NTM: variants seen among roughly 807,000 people sequenced by gnomAD.
The protein encoded by NTM is IgLON family member 2.
In NTM, 13 loss-of-function variants were observed where a neutral mutation model predicts 42.1. The ratio of observed to expected loss-of-function variants is 0.31; its 90% CI spans 0.20 to 0.49. NTM has a LOEUF of 0.49. Among genes scored for constraint, NTM ranks in the 20% least tolerant of loss-of-function variants. The probability of loss-of-function intolerance (pLI) is 0.99; values close to 1 mark genes in which losing one functional copy is unlikely to be tolerated. For synonymous variants in NTM, 187 were observed against 179.2 expected (o/e 1.04, Z -0.35); for missense variants, 373 against 452.8 (o/e 0.82, Z 1.60).
At chr11:132,248,692 G>T (rs751946378) in intron 4 of NTM, among the ~76,000 whole-genome samples, 1 of 152,180 alleles carries the variant, frequency 6.6e-6, no homozygotes, top group Non-Finnish European at 1.5e-5. Context: ...GGTCCACCAC[G>T]CATCAGGTCT....
chr11:131,421,349 G>A (rs373821903), intron 1 of NTM, among the ~76,000 whole-genome samples: 2 of 152,154 alleles, frequency 1.3e-5, no homozygotes, highest in African/African-American at 2.4e-5. Flanking sequence ...TTCCAATCCC[G>A]CCTGCACATG....
intron 4 of NTM, among the ~76,000 whole-genome samples, chr11:132,242,051 A>C (rs1036333001): frequency 1.3e-5 from 2 of 152,142 alleles, no homozygotes; most frequent in African/African-American, 4.8e-5. Flanking sequence ...GGCACAATAG[A>C]TTGTGGTTGT....
At chr11:131,699,126 A>G (rs1164195503) in intron 1 of NTM, among the ~76,000 whole-genome samples, 1 of 152,210 alleles carries the variant, frequency 6.6e-6, no homozygotes, top group Non-Finnish European at 1.5e-5. Context: ...CGTTAACTAA[A>G]GAAGTAATTA....
chr11:132,131,193 G>A (rs77357660), intron 2 of NTM, among the ~76,000 whole-genome samples: 7,325 of 152,232 alleles, frequency 0.048, 276 homozygotes, highest in African/African-American at 0.098. Context: ...ATAGATGCAC[G>A]CGTGTTATGC....
At chr11:131,455,622 C>T (rs780570567) in intron 1 of NTM, among the ~76,000 whole-genome samples, 1 of 152,092 alleles carries the variant, frequency 6.6e-6, no homozygotes, top group South Asian at 2.1e-4. Context: ...TTGCTAAAGT[C>T]CAGGCTCAAA....
chr11:131,968,385 T>C (rs1479933505), intron 2 of NTM, among the ~76,000 whole-genome samples: 1 of 152,118 alleles, frequency 6.6e-6, no homozygotes, highest in African/African-American at 2.4e-5. Context: ...TAATTTGCCA[T>C]TGAACAGTTC....
At chr11:131,518,898 A>G (rs2136535621) in intron 1 of NTM, among the ~76,000 whole-genome samples, 1 of 152,310 alleles carries the variant, frequency 6.6e-6, no homozygotes, top group East Asian at 1.9e-4. Flanking sequence ...ACAACAACAC[A>G]TTTTCCAAAG....
intron 2 of NTM, among the ~76,000 whole-genome samples, chr11:131,961,686 C>T (rs920544012): frequency 9.2e-5 from 14 of 152,130 alleles, no homozygotes; most frequent in African/African-American, 2.4e-4. Flanking sequence ...CTGTATCCTG[C>T]AAGAGTGGCC....
At position 131,887,459 on chromosome 11, in the gene NTM, CT is replaced by C. The variant is rs537928825; in HGVS notation, c.83-24101del. Among the ~76,000 whole-genome samples the C allele has an allele frequency of 6.6e-5, 10 of 152,324 alleles. No homozygotes were observed. The East Asian group carries it at 1.7e-3, about 26-fold the overall frequency. On this transcript the variant is annotated intron_variant, in intron 1 of 8. Coordinates refer to ENST00000683400, the MANE Select transcript of NTM (RefSeq NM_001352005.2). The stretch of plus-strand genomic sequence containing the variant: ...CCTGCCATTCTTCAGGCACAAGTCA[CT>C]TTTCACTGTGTCTTACCAAACAGGC...
At chr11:131,658,567 C>T (rs140133974) in intron 1 of NTM, among the ~76,000 whole-genome samples, 83 of 152,336 alleles carry the variant, frequency 5.4e-4, no homozygotes, top group African/African-American at 1.9e-3. Flanking sequence ...ATGCCTTGCT[C>T]TGATTCAGCG....
intron 1 of NTM, among the ~76,000 whole-genome samples, chr11:131,441,303 GGAAT>G (rs1258169553): frequency 6.6e-6 from 1 of 152,148 alleles, no homozygotes; most frequent in Non-Finnish European, 1.5e-5. Context: ...TGCTGAGGGA[GGAAT>G]GCTTCCCAGA....
At chr11:131,735,723 C>T (rs949366599) in intron 1 of NTM, among the ~76,000 whole-genome samples, 3 of 152,148 alleles carry the variant, frequency 2.0e-5, no homozygotes, top group African/African-American at 7.2e-5. Flanking sequence ...CTCAGTCGCT[C>T]TTTCCATGGT....
chr11:131,789,603 A>AGAG, intron 1 of NTM, among the ~76,000 whole-genome samples: 1 of 85,902 alleles, frequency 1.2e-5, no homozygotes, highest in Non-Finnish European at 2.3e-5. Flanking sequence ...AAGAAGAAGA[A>AGAG]GAAGAAGAAG....
chr11:131,381,515 T>C (rs1011213882), intron 1 of NTM, among the ~76,000 whole-genome samples: 9 of 152,174 alleles, frequency 5.9e-5, no homozygotes, highest in African/African-American at 1.9e-4. Context: ...AACTTCCTAA[T>C]AAAAGGATCT....
chr11:131,527,344 A>C (rs1229835434), intron 1 of NTM, among the ~76,000 whole-genome samples: 1 of 151,930 alleles, frequency 6.6e-6, no homozygotes, highest in African/African-American at 2.4e-5. Flanking sequence ...CCCTTACTTC[A>C]TCTCTAGTTC....
chr11:131,996,824 G>T (rs1236338556), intron 2 of NTM, among the ~76,000 whole-genome samples: 41 of 152,038 alleles, frequency 2.7e-4, no homozygotes, highest in Non-Finnish European at 1.5e-4. Context: ...TTTATGCTCT[G>T]CCAGGACTCT....
chr11:131,680,477 GTGCA>G (rs2072330951), intron 1 of NTM, among the ~76,000 whole-genome samples: 3 of 146,160 alleles, frequency 2.1e-5, no homozygotes, highest in African/African-American at 2.5e-5. Context: ...GCCTGTGTGT[GTGCA>G]CGTCTGTGTA....
intron 1 of NTM, among the ~76,000 whole-genome samples, chr11:131,708,250 A>G (rs1227822965): frequency 6.6e-6 from 1 of 152,160 alleles, no homozygotes. Flanking sequence ...CTTCAATAGT[A>G]AAATAAACTG....
intron 1 of NTM, among the ~76,000 whole-genome samples, chr11:131,440,182 T>C (rs1949498289): frequency 6.6e-6 from 1 of 152,106 alleles, no homozygotes; most frequent in Admixed American, 6.5e-5. Flanking sequence ...AAATTAATGT[T>C]CCTTAAAAAA....
Sources: allele counts gnomAD v4.1 joint callset (sites outside exome capture counted in the v4.1 genomes callset), GRCh38; gene constraint gnomAD v4.1.1; transcripts MANE v1.5; gene names NCBI Gene and HGNC (gene_info 2026-07-23, HGNC 2026-07-21).